PITPNC1: variants seen among roughly 807,000 people sequenced by gnomAD.
The protein encoded by PITPNC1 is phosphatidylinositol transfer protein cytoplasmic 1.
PITPNC1 carries 18 observed loss-of-function variants against 44.7 expected under a neutral mutation model. That is an observed-to-expected ratio of 0.40 (90% CI 0.28 to 0.60). The LOEUF is 0.60. Ranked by LOEUF, PITPNC1 falls within the 20% of genes least tolerant of loss-of-function variation. The pLI, the probability that PITPNC1 is intolerant of heterozygous loss-of-function variation, is 0.39. For synonymous variants in PITPNC1, 141 were observed against 149.6 expected (o/e 0.94, Z 0.42); for missense variants, 290 against 418.4 (o/e 0.69, Z 2.68).
chr17:67,624,230 T>TTTTC (rs1567745244), intron 5 of PITPNC1, among the ~76,000 whole-genome samples: 6 of 147,186 alleles, frequency 4.1e-5, no homozygotes, highest in South Asian at 2.1e-4. Context: ...TTTTTTTTTT[T>TTTTC]CCTCAGGGTT....
chr17:67,380,799 G>T (rs544485023), intron 1 of PITPNC1, among the ~76,000 whole-genome samples: 5 of 151,652 alleles, frequency 3.3e-5, no homozygotes, highest in African/African-American at 1.2e-4. Flanking sequence ...TTTGAGACAC[G>T]GTCTCGCTCT....
At chr17:67,663,975 T>A (rs2042385048) in intron 6 of PITPNC1, among the ~76,000 whole-genome samples, 1 of 152,202 alleles carries the variant, frequency 6.6e-6, no homozygotes, top group South Asian at 2.1e-4. Context: ...TTTGTTTTTT[T>A]GTTTTGAGAT....
At chr17:67,622,603 A>G (rs1416440527) in intron 5 of PITPNC1, among the ~76,000 whole-genome samples, 2 of 150,320 alleles carry the variant, frequency 1.3e-5, no homozygotes, top group East Asian at 3.9e-4. Context: ...TCAATAAACC[A>G]TGAACTGGCC....
intron 6 of PITPNC1, among the ~76,000 whole-genome samples, chr17:67,664,904 C>CAA (rs541838718): frequency 4.4e-4 from 40 of 91,590 alleles, no homozygotes; most frequent in Admixed American, 4.8e-4. Context: ...GACTCCATCT[C>CAA]AAAAAAAAAA....
At chr17:67,618,118 T>G (rs928338238) in intron 5 of PITPNC1, among the ~76,000 whole-genome samples, 6 of 152,112 alleles carry the variant, frequency 3.9e-5, no homozygotes, top group Non-Finnish European at 2.9e-5. Flanking sequence ...CCCAGCACTT[T>G]GGGAGACCAA....
At chr17:67,654,868 C>T (rs2144373849) in intron 6 of PITPNC1, among the ~76,000 whole-genome samples, 1 of 152,136 alleles carries the variant, frequency 6.6e-6, no homozygotes, top group Admixed American at 6.5e-5. Flanking sequence ...CTCCTGACCT[C>T]GTGATCTGCC....
intron 4 of PITPNC1, among the ~76,000 whole-genome samples, chr17:67,555,503 A>G (rs940546156): frequency 6.6e-6 from 1 of 151,998 alleles, no homozygotes; most frequent in South Asian, 2.1e-4. Flanking sequence ...CCCTAGTTCC[A>G]TTGCTTCTGG....
intron 1 of PITPNC1, among the ~76,000 whole-genome samples, chr17:67,418,073 T>C (rs1427722489): frequency 1.3e-5 from 2 of 152,136 alleles, no homozygotes; most frequent in Admixed American, 6.6e-5. Context: ...AGGCAGCGTA[T>C]TGAAATATTC....
At chr17:67,434,999 C>A (rs1318707621) in intron 1 of PITPNC1, among the ~76,000 whole-genome samples, 1 of 150,632 alleles carries the variant, frequency 6.6e-6, no homozygotes, top group East Asian at 2.0e-4. Context: ...GTCCCAGCTA[C>A]TCAGGAGGCT....
intron 8 of PITPNC1, among the ~76,000 whole-genome samples, chr17:67,688,282 G>T (rs1301789913): frequency 1.5e-5 from 2 of 132,686 alleles, no homozygotes; most frequent in Non-Finnish European, 3.1e-5. Flanking sequence ...AGGTTGCAGT[G>T]AGCCAAGATC....
chr17:67,599,034 A>ATATATATATAT lies in PITPNC1; in HGVS notation c.366+20778_366+20779insATATATATATT, dbSNP rs1461493250. Among the ~76,000 whole-genome samples the ATATATATATAT allele has an allele frequency of 1.7e-4, 6 of 35,672 alleles. No individual in the cohort carries two copies. The East Asian group carries it at 3.7e-3, about 22-fold the overall frequency. The allele number at this position is 35,672 out of a possible 152,430, so 23.4% of individuals were successfully genotyped here. A position where few individuals can be genotyped will look rare whatever the true frequency, so the allele number is the denominator to read the frequency against. ...TATATATATATATATATATATATAT[A>ATATATATATAT]TTTTTTTTTTTTTTTTTTTTACCAT... On this transcript the variant is annotated intron_variant, in intron 5 of 8. Transcript: ENST00000581322.
rs1244858589 is a variant in PITPNC1 at position 67,512,512 on chromosome 17, A to C, written c.49-20290A>C. On this transcript the variant is annotated intron_variant, in intron 1 of 8. Transcript: ENST00000581322. ...TGAGACTGTGTCTCAAAAAAAAAAAAAAAAAAAAAAACAGCTGGACTTGGA... is the reference window on the plus strand; with the variant it reads ...TGAGACTGTGTCTCAAAAAAAAAAACAAAAAAAAAAACAGCTGGACTTGGA... Among the ~76,000 whole-genome samples, 933 of 151,526 alleles carry C rather than the reference A, an allele frequency of 6.2e-3. 6 individuals are homozygous for C. Among genetic ancestry groups the C allele is most frequent in the Middle Eastern group, 0.014 (4 of 290 alleles).
intron 1 of PITPNC1, among the ~76,000 whole-genome samples, chr17:67,492,258 T>G (rs144009454): frequency 2.4e-4 from 36 of 152,282 alleles, no homozygotes; most frequent in African/African-American, 8.4e-4. Flanking sequence ...CAGACATAAT[T>G]CAATCAAGGA....
At chr17:67,647,462 GGGT>G (rs1567757473) in intron 6 of PITPNC1, among the ~76,000 whole-genome samples, 2 of 96,250 alleles carry the variant, frequency 2.1e-5, no homozygotes, top group African/African-American at 5.3e-5. Context: ...AGCTAATTTT[GGGT>G]TTTTTTTTTT....
intron 1 of PITPNC1, among the ~76,000 whole-genome samples, chr17:67,486,011 G>C (rs1169124992): frequency 6.6e-6 from 1 of 152,300 alleles, no homozygotes; most frequent in East Asian, 1.9e-4. Flanking sequence ...ATTTCTTCTG[G>C]TGATGCTCCT....
At position 67,377,699 on chromosome 17, in the gene PITPNC1, G is replaced by C. The variant is rs1193588775; in HGVS notation, c.-456G>C. 6.4e-6 allele frequency: 1 copy of C among 155,472 alleles called. No homozygotes were observed. Among genetic ancestry groups the C allele is most frequent in the East Asian group, 1.9e-4 (1 of 5,288 alleles). The allele number at this position is 155,472 out of a possible 1,614,324, so 9.6% of individuals were successfully genotyped here. On this transcript the variant is annotated 5_prime_UTR_variant, in exon 1 of 9. Transcript: ENST00000581322. The stretch of plus-strand genomic sequence containing the variant: ...AGCATCGGGCAGACCCGCCGGAGGA[G>C]GGGGGTCGCCAGGTTCCCGTCTGCT...
At chr17:67,675,343 G>A in intron 7 of PITPNC1, 136 bp from the exon 8 acceptor site, 1 of 680,958 alleles carries the variant, frequency 1.5e-6, no homozygotes, top group Non-Finnish European at 2.6e-6. Context: ...TAGGCAGCCT[G>A]TAATTGTCAT....
At chr17:67,456,181 A>C (rs997046880) in intron 1 of PITPNC1, among the ~76,000 whole-genome samples, 1 of 152,194 alleles carries the variant, frequency 6.6e-6, no homozygotes, top group African/African-American at 2.4e-5. Context: ...TGATGCTTTT[A>C]CCTTAGGCTT....
chr17:67,378,234 C>T (rs947442321), intron 1 of PITPNC1, 32 bp downstream of exon 1: 22 of 1,413,874 alleles, frequency 1.6e-5, no homozygotes, highest in African/African-American at 9.0e-5. Context: ...GCCTCGCCCG[C>T]TCCGGGACCC....
Sources: gnomAD v4.1 joint callset for allele counts (sites outside exome capture counted in the v4.1 genomes callset) on GRCh38, gnomAD v4.1.1 for gene constraint, MANE v1.5 for transcripts, NCBI Gene and HGNC (gene_info 2026-07-23, HGNC 2026-07-21) for gene names.